The following HMGA2 variants were observed in gnomAD, a reference collection of about 807,000 sequenced individuals.
The protein encoded by HMGA2 is high mobility group protein HMGI-C.
HMGA2 carries 8 observed loss-of-function variants against 19.1 expected under a neutral mutation model. The observed-to-expected ratio is 0.42, with a 90% confidence interval of 0.25 to 0.76. HMGA2 has a LOEUF of 0.76. Among genes scored for constraint, HMGA2 ranks in the 30% least tolerant of loss-of-function variants. The probability of loss-of-function intolerance (pLI) is 0.28; values close to 1 mark genes in which losing one functional copy is unlikely to be tolerated. For missense variants in HMGA2, 109 were observed against 136.3 expected, an observed-to-expected ratio of 0.80 and a Z score of 1.00; for synonymous variants, 60 against 48.8, an observed-to-expected ratio of 1.23 and a Z score of -0.96.
intron 4 of HMGA2, chr12:65,956,147 G>A (rs910766275): frequency 2.0e-5 from 3 of 152,126 alleles, no homozygotes; most frequent in Non-Finnish European, 2.9e-5. Context: ...ATACTCACTC[G>A]TCTACTCACT....
Position 65,827,986 on chromosome 12 carries a change from T to G in HMGA2, c.112-15T>G, listed in dbSNP as rs749195416. 1.3e-6 allele frequency: 2 copies of G among 1,579,596 alleles called. No homozygotes were observed. The highest frequency in any genetic ancestry group is 1.7e-6 in the Non-Finnish European group (2 of 1,148,562). On this transcript the variant is annotated splice_polypyrimidine_tract_variant and intron_variant, in intron 1 of 4. Coordinates refer to ENST00000403681, the MANE Select transcript of HMGA2 (RefSeq NM_003483.6). ...ATTCTTGCCACAACAGCATTTTTTT[T>G]TCCCTCACAATTAGGAACCAACCGG...
At chr12:65,912,351 A>G (rs1030875541) in intron 3 of HMGA2, among the ~76,000 whole-genome samples, 5 of 152,142 alleles carry the variant, frequency 3.3e-5, no homozygotes, top group Non-Finnish European at 5.9e-5. Context: ...GACCTCATCT[A>G]TTTTAAATTT....
At chr12:65,843,726 CT>C (rs1374986104) in intron 3 of HMGA2, among the ~76,000 whole-genome samples, 5 of 151,404 alleles carry the variant, frequency 3.3e-5, no homozygotes, top group African/African-American at 1.2e-4. Context: ...AAAACAAAAA[CT>C]TTTAGCTGTT....
chr12:65,932,726 T>C (rs1875759694), intron 3 of HMGA2, among the ~76,000 whole-genome samples: 1 of 152,134 alleles, frequency 6.6e-6, no homozygotes, highest in African/African-American at 2.4e-5. Context: ...ATGAGAGTGC[T>C]TTTTTAAATT....
chr12:65,837,130 G>A (rs1028772061), intron 2 of HMGA2, among the ~76,000 whole-genome samples: 10 of 152,148 alleles, frequency 6.6e-5, no homozygotes, highest in Non-Finnish European at 1.2e-4. Flanking sequence ...AAGGATTAAC[G>A]TAACACATGT....
chr12:65,884,855 A>G (rs1401966472), intron 3 of HMGA2, among the ~76,000 whole-genome samples: 1 of 152,234 alleles, frequency 6.6e-6, no homozygotes, highest in Non-Finnish European at 1.5e-5. Context: ...TCATCATATT[A>G]TAATGGTTGT....
At chr12:65,827,006 A>G (rs1332577299) in intron 1 of HMGA2, 1 of 152,212 alleles carries the variant, frequency 6.6e-6, no homozygotes, top group Non-Finnish European at 1.5e-5. Flanking sequence ...ATGGGTTTTA[A>G]GTTAATTAGT....
chr12:65,889,352 C>T (rs1246676474), intron 3 of HMGA2, among the ~76,000 whole-genome samples: 1 of 152,188 alleles, frequency 6.6e-6, no homozygotes, highest in Admixed American at 6.5e-5. Context: ...TCTTTTCCAA[C>T]AAAGTGACCT....
At chr12:65,849,734 G>GTTTTTTTTTTTTTTTTT (rs1309933646) in intron 3 of HMGA2, among the ~76,000 whole-genome samples, 1 of 102,036 alleles carries the variant, frequency 9.8e-6, no homozygotes, top group Non-Finnish European at 1.7e-5. Flanking sequence ...GGTAGGCTCT[G>GTTTTTTTTTTTTTTTTT]TATTTTTTTT....
intron 3 of HMGA2, chr12:65,860,108 A>G: frequency 2.4e-6 from 1 of 425,028 alleles, no homozygotes; most frequent in Non-Finnish European, 4.8e-6. Flanking sequence ...AAAGAAAAGA[A>G]AAGAGAAAAG....
intron 3 of HMGA2, among the ~76,000 whole-genome samples, chr12:65,883,381 T>G (rs1266991013): frequency 2.0e-5 from 3 of 152,210 alleles, no homozygotes; most frequent in Non-Finnish European, 4.4e-5. Flanking sequence ...ACAATACCAT[T>G]TCTTGAGCCC....
intron 3 of HMGA2, among the ~76,000 whole-genome samples, chr12:65,882,441 G>A (rs1873466487): frequency 6.6e-6 from 1 of 152,190 alleles, no homozygotes; most frequent in Admixed American, 6.5e-5. Context: ...CGCAGGCTGT[G>A]GAAGGGAACT....
intron 3 of HMGA2, chr12:65,843,529 T>C (rs1222957194): frequency 5.4e-6 from 1 of 183,674 alleles, no homozygotes; most frequent in Non-Finnish European, 1.2e-5. Flanking sequence ...ACACATTCTT[T>C]GGTTTTGGAA....
At chr12:65,856,544 AAAT>A (rs1871751685) in intron 3 of HMGA2, 1 of 152,198 alleles carries the variant, frequency 6.6e-6, no homozygotes, top group Non-Finnish European at 1.5e-5. Flanking sequence ...CAGTTCTGAT[AAAT>A]CTCTTCCTTC....
chr12:65,838,778 G>A (rs1202103937), intron 3 of HMGA2, among the ~76,000 whole-genome samples: 1 of 151,898 alleles, frequency 6.6e-6, no homozygotes, highest in African/African-American at 2.4e-5. Context: ...TCCTGAAGGT[G>A]GACTCATTTT....
At chr12:65,894,175 T>C (rs1173154711) in intron 3 of HMGA2, among the ~76,000 whole-genome samples, 2 of 152,220 alleles carry the variant, frequency 1.3e-5, no homozygotes, top group African/African-American at 2.4e-5. Flanking sequence ...GATTCTATTT[T>C]AAATAGAAAA....
intron 3 of HMGA2, among the ~76,000 whole-genome samples, chr12:65,916,606 C>T (rs997109363): frequency 1.3e-5 from 2 of 152,206 alleles, no homozygotes; most frequent in African/African-American, 4.8e-5. Flanking sequence ...AGGAACTATT[C>T]CTGATCAGTC....
At chr12:65,914,256 A>G (rs1252751083) in intron 3 of HMGA2, among the ~76,000 whole-genome samples, 1 of 152,102 alleles carries the variant, frequency 6.6e-6, no homozygotes, top group Non-Finnish European at 1.5e-5. Flanking sequence ...ATGTCCAACA[A>G]TGTTAGACTG....
intron 3 of HMGA2, among the ~76,000 whole-genome samples, chr12:65,939,168 A>G (rs1216622051): frequency 6.6e-6 from 1 of 152,178 alleles, no homozygotes; most frequent in African/African-American, 2.4e-5. Context: ...GTAGATGGCC[A>G]ATTTCCCTGC....
Sources: gnomAD v4.1 joint callset for allele counts (sites outside exome capture counted in the v4.1 genomes callset) on GRCh38, gnomAD v4.1.1 for gene constraint, MANE v1.5 for transcripts, NCBI Gene and HGNC (gene_info 2026-07-23, HGNC 2026-07-21) for gene names.